The following SOHLH2 variants were observed in gnomAD, a reference collection of about 807,000 sequenced individuals.
SOHLH2 encodes the protein spermatogenesis- and oogenesis-specific basic helix-loop-helix-containing protein 2.
SOHLH2 carries 22 observed loss-of-function variants against 50.4 expected under a neutral mutation model. That is an observed-to-expected ratio of 0.44 (90% confidence interval 0.31 to 0.62). The LOEUF is 0.62. Among genes scored for constraint, SOHLH2 ranks in the 20% least tolerant of loss-of-function variants. The pLI, the probability that SOHLH2 is intolerant of heterozygous loss-of-function variation, is 0.08. For missense variants in SOHLH2, 412 were observed against 504.4 expected, an observed-to-expected ratio of 0.82 and a Z score of 1.76; for synonymous variants, 185 against 187.3, an observed-to-expected ratio of 0.99 and a Z score of 0.10.
intron 6 of SOHLH2, among the ~76,000 whole-genome samples, chr13:36,189,605 C>T (rs994760075): frequency 2.0e-5 from 3 of 152,304 alleles, no homozygotes; most frequent in Non-Finnish European, 4.4e-5. Context: ...AGAAAACTTT[C>T]CTAGTGTCCT....
chr13:36,187,259 A>G (rs765525953), intron 6 of SOHLH2, among the ~76,000 whole-genome samples: 1 of 152,210 alleles, frequency 6.6e-6, no homozygotes, highest in Non-Finnish European at 1.5e-5. Flanking sequence ...GGGACCAATA[A>G]AGGATTCCCA....
At position 36,168,298 on chromosome 13, in the gene SOHLH2, T is replaced by C. The variant is rs962219212; in HGVS notation, c.*736A>G. The C allele has an allele frequency of 6.6e-6, 1 of 152,096 alleles. No homozygotes were observed. The highest frequency in any genetic ancestry group is 6.6e-5 in the Admixed American group (1 of 15,260). 9.4% of individuals were successfully genotyped at this position (152,096 alleles called of 1,614,324 possible). A position where few individuals can be genotyped will look rare whatever the true frequency, so the allele number is the denominator to read the frequency against. On this transcript the variant is annotated 3_prime_UTR_variant, in exon 11 of 11. Coordinates refer to ENST00000379881, the MANE Select transcript of SOHLH2 (RefSeq NM_017826.3). ...CAGTGAAATATAAAACAAACCTTTT[T>C]CCCCCTTATTTTCAACTGTCCTTTC...
intron 6 of SOHLH2, among the ~76,000 whole-genome samples, chr13:36,186,230 T>C (rs1420192349): frequency 6.6e-6 from 1 of 151,884 alleles, no homozygotes; most frequent in African/African-American, 2.4e-5. Context: ...ACTGACAAAA[T>C]TTTACATCCA....
intron 1 of SOHLH2, among the ~76,000 whole-genome samples, chr13:36,203,180 A>G (rs1203369116): frequency 6.6e-6 from 1 of 152,156 alleles, no homozygotes; most frequent in African/African-American, 2.4e-5. Flanking sequence ...ATCCTTCCAG[A>G]TGATTTTTGT....
At chr13:36,210,436 G>A (rs1296372528) in intron 1 of SOHLH2, among the ~76,000 whole-genome samples, 2 of 150,812 alleles carry the variant, frequency 1.3e-5, no homozygotes, top group Non-Finnish European at 2.9e-5. Context: ...ACATTTTACT[G>A]TGTATTTTTT....
intron 6 of SOHLH2, chr13:36,183,200 G>A: frequency 2.8e-6 from 1 of 351,814 alleles, no homozygotes; most frequent in Non-Finnish European, 6.2e-6. Context: ...TGTACAGCCT[G>A]CAGAATCACG....
chr13:36,184,611 C>A (rs577834829), intron 6 of SOHLH2, among the ~76,000 whole-genome samples: 2 of 151,902 alleles, frequency 1.3e-5, no homozygotes, highest in African/African-American at 4.8e-5. Context: ...AGGCGCCTGC[C>A]ACCACACCCA....
At chr13:36,189,729 C>T (rs1317572048) in intron 6 of SOHLH2, among the ~76,000 whole-genome samples, 1 of 152,168 alleles carries the variant, frequency 6.6e-6, no homozygotes, top group Non-Finnish European at 1.5e-5. Flanking sequence ...CAGGGACTTA[C>T]TTTTTATATC....
At chr13:36,203,587 A>C (rs1868560279) in intron 1 of SOHLH2, among the ~76,000 whole-genome samples, 1 of 152,176 alleles carries the variant, frequency 6.6e-6, no homozygotes, top group African/African-American at 2.4e-5. Flanking sequence ...GTAAACTTTT[A>C]CTTGTTTTGC....
At chr13:36,181,388 G>A (rs549832864) in intron 6 of SOHLH2, among the ~76,000 whole-genome samples, 12 of 151,806 alleles carry the variant, frequency 7.9e-5, no homozygotes, top group African/African-American at 2.9e-4. Flanking sequence ...AGTCTCTTTT[G>A]CTTTTTTATT....
At chr13:36,200,286 G>A (rs2138315428) in intron 2 of SOHLH2, among the ~76,000 whole-genome samples, 1 of 152,284 alleles carries the variant, frequency 6.6e-6, no homozygotes, top group Non-Finnish European at 1.5e-5. Flanking sequence ...AAGTAGGATA[G>A]TTTACAACAG....
Position 36,173,589 on chromosome 13 carries a change from C to T in SOHLH2, c.1000+103G>A, listed in dbSNP as rs1887019780. ...ACAATACCAGAAGGACTCATCAGCT[C>T]TCCTGGATTCCCTGGTTATGGTGGT... On this transcript the variant is annotated intron_variant, in intron 9 of 10. Coordinates refer to ENST00000379881, the MANE Select transcript of SOHLH2 (RefSeq NM_017826.3). The T allele has an allele frequency of 2.2e-6, 3 of 1,391,038 alleles. No homozygotes were observed. In the Admixed American group the frequency reaches 5.2e-5, roughly 24 times the overall value. 86.2% of individuals were successfully genotyped at this position (1,391,038 alleles called of 1,614,324 possible). A position where few individuals can be genotyped will look rare whatever the true frequency, so the allele number is the denominator to read the frequency against.
intron 5 of SOHLH2, among the ~76,000 whole-genome samples, chr13:36,191,247 G>C (rs551855396): frequency 8.5e-5 from 13 of 152,268 alleles, no homozygotes; most frequent in African/African-American, 3.1e-4. Context: ...GAGACACAGA[G>C]ACACACACTA....
At chr13:36,180,294 CCACCCCACTTATTTGGGTTTATTTTG>C (rs1471269663) in intron 6 of SOHLH2, among the ~76,000 whole-genome samples, 1 of 152,150 alleles carries the variant, frequency 6.6e-6, no homozygotes, top group African/African-American at 2.4e-5. Flanking sequence ...TCCCCCTTCA[CCACCCCACTTATTTGGGTTTATTTTG>C]TTTTACTTTG....
rs763054224 is a variant in SOHLH2, at chr13:36,174,849, C to A, written c.662G>T (p.Cys221Phe). ...CGGCAAGAGAGTACGCAGCTGCTCACAGCAATATTTGATTCTTTCCCTGGA... is the reference window on the plus strand; with the variant it reads ...CGGCAAGAGAGTACGCAGCTGCTCAAAGCAATATTTGATTCTTTCCCTGGA... ...KLRRERIKYC[C>F]EQLRTLLPYV... The change falls in exon 7 of 11, where the codon TGT becomes TTT. Residue 221 changes from cysteine to phenylalanine, a missense_variant. Transcript: ENST00000379881. The A allele has an allele frequency of 1.2e-5, 19 of 1,581,556 alleles. No individual in the cohort carries two copies. Among genetic ancestry groups the A allele is most frequent in the Admixed American group, 5.9e-5 (3 of 50,620 alleles).
At chr13:36,199,401 C>T (rs977746205) in intron 2 of SOHLH2, among the ~76,000 whole-genome samples, 2 of 152,148 alleles carry the variant, frequency 1.3e-5, no homozygotes, top group South Asian at 2.1e-4. Context: ...CCTAGGATGG[C>T]GCTTCTCCCA....
chr13:36,201,851 A>T (rs1210375036), intron 2 of SOHLH2, 28 bp downstream of exon 2: 1 of 1,612,590 alleles, frequency 6.2e-7, no homozygotes, highest in East Asian at 2.2e-5. Flanking sequence ...GATTCTAAAG[A>T]TACAGCATCA....
chr13:36,169,466 T>C (rs1886904443), intron 10 of SOHLH2, among the ~76,000 whole-genome samples: 1 of 152,208 alleles, frequency 6.6e-6, no homozygotes, highest in Admixed American at 6.5e-5. Flanking sequence ...ATTCCCATTT[T>C]ATAGATGTCA....
intron 1 of SOHLH2, among the ~76,000 whole-genome samples, chr13:36,204,619 T>C (rs551783313): frequency 1.2e-4 from 19 of 152,332 alleles, no homozygotes; most frequent in Middle Eastern, 3.4e-3. Context: ...TGTGTGTTTC[T>C]GGACTTCATT....
Sources: gnomAD v4.1 joint callset for allele counts (sites outside exome capture counted in the v4.1 genomes callset) on GRCh38, gnomAD v4.1.1 for gene constraint, MANE v1.5 for transcripts, NCBI Gene and HGNC (gene_info 2026-07-23, HGNC 2026-07-21) for gene names.